Variants in LRRC4C observed in about 807,000 individuals in gnomAD.
LRRC4C encodes leucine-rich repeat-containing protein 4C.
Under a neutral mutation model 33.6 loss-of-function variants are expected in LRRC4C, and 5 were observed. That is an observed-to-expected ratio of 0.15 (90% CI 0.08 to 0.31). LRRC4C has a LOEUF of 0.31. LRRC4C is among the 10% of genes least tolerant of loss of function. The probability of loss-of-function intolerance (pLI) is 1.00; values close to 1 mark genes in which losing one functional copy is unlikely to be tolerated. For missense variants in LRRC4C, 560 were observed against 796.7 expected (o/e 0.70, Z 3.58); for synonymous variants, 329 against 302.0 (o/e 1.09, Z -0.93).
intron 1 of LRRC4C, among the ~76,000 whole-genome samples, chr11:41,433,420 T>C (rs1378934116): frequency 6.6e-6 from 1 of 152,174 alleles, no homozygotes; most frequent in Non-Finnish European, 1.5e-5. Context: ...TATAGTGTGA[T>C]GGTTAATACT....
chr11:40,448,533 G>A (rs1439748732), intron 3 of LRRC4C, among the ~76,000 whole-genome samples: 1 of 152,116 alleles, frequency 6.6e-6, no homozygotes, highest in Non-Finnish European at 1.5e-5. Flanking sequence ...GATTTGCTGA[G>A]AAGGATGGTT....
chr11:40,965,197 G>C (rs112897633), intron 1 of LRRC4C, among the ~76,000 whole-genome samples: 3 of 152,048 alleles, frequency 2.0e-5, no homozygotes, highest in Non-Finnish European at 4.4e-5. Context: ...CATATCCTTC[G>C]CCCACTTTTT....
rs118150994 is a variant in LRRC4C, at chr11:40,645,662, T to C, written c.-270+2480A>G. On this transcript the variant is annotated intron_variant, in intron 3 of 6. Transcript: ENST00000528697. The stretch of plus-strand genomic sequence containing the variant: ...ACAGCACTAGCTGGCTGGTACCCCA[T>C]CCTCAGAAATGTGATTCCAGCTTTG... Among the ~76,000 whole-genome samples, 13 of 152,310 alleles carry C rather than the reference T, an allele frequency of 8.5e-5. No homozygotes were observed. In the East Asian group the frequency reaches 2.5e-3, roughly 29 times the overall value.
intron 1 of LRRC4C, among the ~76,000 whole-genome samples, chr11:41,211,514 G>A (rs2136317993): frequency 6.6e-6 from 1 of 151,892 alleles, no homozygotes; most frequent in Non-Finnish European, 1.5e-5. Flanking sequence ...AGTGTGTGAT[G>A]TTCCCCTTCC....
intron 1 of LRRC4C, among the ~76,000 whole-genome samples, chr11:41,321,559 T>C (rs1950960214): frequency 6.6e-6 from 1 of 152,172 alleles, no homozygotes; most frequent in South Asian, 2.1e-4. Context: ...ATAATAATAA[T>C]AATAGCTAAG....
At position 41,097,715 on chromosome 11, in the gene LRRC4C, T is replaced by A. The variant is rs186886608; in HGVS notation, c.-495-163992A>T. Among the ~76,000 whole-genome samples the A allele has an allele frequency of 2.3e-4, 35 of 152,256 alleles. 1 individual carries two copies. The East Asian group carries it at 5.6e-3, about 24-fold the overall frequency. ...TTCTCAAACATCAGAGATTTATATA[T>A]TTATTATGGTACTTTTCTTGAGGAT... is the stretch of plus-strand genomic sequence containing the variant. On this transcript the variant is annotated intron_variant, in intron 1 of 6. Coordinates refer to ENST00000528697, the MANE Select transcript of LRRC4C (RefSeq NM_001258419.2).
intron 1 of LRRC4C, among the ~76,000 whole-genome samples, chr11:40,964,476 C>T (rs142014189): frequency 0.012 from 1,805 of 150,510 alleles, 26 homozygotes; most frequent in African/African-American, 0.028. Flanking sequence ...CCCATTAACT[C>T]GTCATTTAGC....
intron 3 of LRRC4C, among the ~76,000 whole-genome samples, chr11:40,592,612 G>A (rs2135745819): frequency 6.6e-6 from 1 of 152,270 alleles, no homozygotes; most frequent in East Asian, 1.9e-4. Flanking sequence ...AGAATCTACA[G>A]GTGAGGGTTC....
chr11:40,948,446 C>T (rs1485370714), intron 1 of LRRC4C, among the ~76,000 whole-genome samples: 2 of 150,744 alleles, frequency 1.3e-5, no homozygotes, highest in Admixed American at 6.6e-5. Context: ...ATACATGTGC[C>T]ATGCTGGTGC....
chr11:40,920,091 C>A (rs1957114234), intron 2 of LRRC4C, among the ~76,000 whole-genome samples: 1 of 152,086 alleles, frequency 6.6e-6, no homozygotes, highest in Non-Finnish European at 1.5e-5. Context: ...TTAGACTGCT[C>A]AGATTATAAG....
intron 4 of LRRC4C, among the ~76,000 whole-genome samples, chr11:40,251,984 A>G (rs981164810): frequency 6.6e-6 from 1 of 152,228 alleles, no homozygotes; most frequent in Admixed American, 6.5e-5. Flanking sequence ...CTGAGTGTCA[A>G]TGAATTATTT....
chr11:40,386,236 C>T lies in LRRC4C; in HGVS notation c.-269-66515G>A, dbSNP rs148304835. ...AATCATGTCCAAACAGTTCCTAAAA[C>T]GTTCCCAGCATGTAGATCTCACATT... On this transcript the variant is annotated intron_variant, in intron 3 of 6. Coordinates refer to ENST00000528697, the MANE Select transcript of LRRC4C (RefSeq NM_001258419.2). Among the ~76,000 whole-genome samples the T allele has an allele frequency of 2.1e-3, 323 of 152,190 alleles. 1 individual carries two copies. Among genetic ancestry groups the T allele is most frequent in the Non-Finnish European group, 3.7e-3 (253 of 68,008 alleles).
At chr11:41,092,440 G>A (rs1460265729) in intron 1 of LRRC4C, among the ~76,000 whole-genome samples, 2 of 152,132 alleles carry the variant, frequency 1.3e-5, no homozygotes, top group African/African-American at 2.4e-5. Flanking sequence ...GTTGACTGTA[G>A]TAAACTCTCA....
intron 2 of LRRC4C, among the ~76,000 whole-genome samples, chr11:40,817,504 G>T (rs1403123105): frequency 6.6e-6 from 1 of 152,118 alleles, no homozygotes; most frequent in Non-Finnish European, 1.5e-5. Context: ...GAACTTAGTA[G>T]TTGATGCAAG....
intron 1 of LRRC4C, among the ~76,000 whole-genome samples, chr11:41,447,284 A>G (rs1181073546): frequency 1.3e-5 from 2 of 152,242 alleles, no homozygotes; most frequent in African/African-American, 4.8e-5. Flanking sequence ...TATACTAAGA[A>G]TTAAATAAGA....
intron 1 of LRRC4C, among the ~76,000 whole-genome samples, chr11:41,245,234 T>C (rs1948403843): frequency 6.6e-6 from 1 of 152,234 alleles, no homozygotes; most frequent in Non-Finnish European, 1.5e-5. Context: ...GTGGTGACTA[T>C]GCCTGAGTTT....
chr11:40,953,975 G>A (rs1335540116), intron 1 of LRRC4C, among the ~76,000 whole-genome samples: 3 of 151,692 alleles, frequency 2.0e-5, no homozygotes, highest in Non-Finnish European at 4.4e-5. Context: ...AAGAAAACTT[G>A]GAAATCCACA....
intron 4 of LRRC4C, among the ~76,000 whole-genome samples, chr11:40,280,374 A>G (rs1943391183): frequency 6.6e-6 from 1 of 152,202 alleles, no homozygotes; most frequent in Non-Finnish European, 1.5e-5. Context: ...GAAAGGCTCT[A>G]ATGAGACCCA....
chr11:40,449,586 C>A (rs1056171690), intron 3 of LRRC4C, among the ~76,000 whole-genome samples: 3 of 152,120 alleles, frequency 2.0e-5, no homozygotes, highest in African/African-American at 7.2e-5. Context: ...CTTGTTTAAT[C>A]CAGAATCAAG....
Sources: gnomAD v4.1 joint callset for allele counts (sites outside exome capture counted in the v4.1 genomes callset) on GRCh38, gnomAD v4.1.1 for gene constraint, MANE v1.5 for transcripts, NCBI Gene and HGNC (gene_info 2026-07-23, HGNC 2026-07-21) for gene names.